Variants in DRC11 observed in about 807,000 individuals in gnomAD.
DRC11 encodes dynein regulatory complex subunit 11.
chr2:236,451,095 A>G, the DRC11 span, among the ~76,000 whole-genome samples: 1 of 152,178 alleles, frequency 6.6e-6, no homozygotes, highest in Non-Finnish European at 1.5e-5. Context: ...TAAGGTTCTT[A>G]TACTTTTCTT....
the DRC11 span, among the ~76,000 whole-genome samples, chr2:236,358,843 TG>T: frequency 6.8e-6 from 1 of 148,008 alleles, no homozygotes; most frequent in Non-Finnish European, 1.5e-5. Context: ...GACCGTCACG[TG>T]GCCCCCCAGC....
the DRC11 span, among the ~76,000 whole-genome samples, chr2:236,439,031 A>G: frequency 6.6e-6 from 1 of 150,584 alleles, no homozygotes; most frequent in Admixed American, 6.6e-5. Flanking sequence ...GAGAACAAAG[A>G]CACAACATAC....
the DRC11 span, among the ~76,000 whole-genome samples, chr2:236,365,131 T>C: frequency 1.3e-5 from 2 of 151,810 alleles, no homozygotes; most frequent in Non-Finnish European, 2.9e-5. This position sits in a 1 kb window ranked among gnomAD's most constrained non-coding sequence, Gnocchi z 7.4. Flanking sequence ...TGGGAGCTAG[T>C]GTGGGGGTCC....
At chr2:236,500,765 C>A in the DRC11 span, among the ~76,000 whole-genome samples, 2 of 152,108 alleles carry the variant, frequency 1.3e-5, no homozygotes, top group African/African-American at 4.8e-5. This position sits in a 1 kb window ranked among gnomAD's most constrained non-coding sequence, Gnocchi z 6.3. Flanking sequence ...TGCAGTGGTG[C>A]GATCTCAGCT....
the DRC11 span, among the ~76,000 whole-genome samples, chr2:236,474,753 G>A: frequency 6.6e-6 from 1 of 151,956 alleles, no homozygotes; most frequent in African/African-American, 2.4e-5. Flanking sequence ...CAAACAATCT[G>A]GAGATCTTAG....
the DRC11 span, among the ~76,000 whole-genome samples, chr2:236,491,169 A>ACAG: frequency 1.2e-5 from 1 of 80,232 alleles, no homozygotes; most frequent in Non-Finnish European, 2.4e-5. Context: ...GTATATATAT[A>ACAG]TATATATATA....
the DRC11 span, among the ~76,000 whole-genome samples, chr2:236,371,845 T>C: frequency 9.2e-5 from 14 of 152,294 alleles, no homozygotes; most frequent in African/African-American, 2.6e-4. The surrounding 1 kb of genome is among the most constrained non-coding windows in gnomAD (Gnocchi z 5.1). Context: ...GCATCTTATG[T>C]ATGTCACTCC....
the DRC11 span, chr2:236,363,794 G>A: frequency 1.9e-6 from 3 of 1,612,510 alleles, no homozygotes; most frequent in Non-Finnish European, 2.5e-6. The surrounding 1 kb of genome is among the most constrained non-coding windows in gnomAD (Gnocchi z 5.6). Context: ...AAGACTGCAT[G>A]CAGCATCATT....
chr2:236,441,813 TAAAATGGCCCTTA>T, the DRC11 span, among the ~76,000 whole-genome samples: 3 of 152,206 alleles, frequency 2.0e-5, no homozygotes, highest in Non-Finnish European at 4.4e-5. Context: ...CCACCATGTT[TAAAATGGCCCTTA>T]AAAAACTGGT....
the DRC11 span, among the ~76,000 whole-genome samples, chr2:236,424,464 G>T: frequency 6.6e-6 from 1 of 152,008 alleles, no homozygotes; most frequent in Non-Finnish European, 1.5e-5. Flanking sequence ...ACAGTGAAAG[G>T]TTTCCTCCCC....
the DRC11 span, chr2:236,331,579 A>G: frequency 1.9e-6 from 3 of 1,613,676 alleles, no homozygotes; most frequent in South Asian, 1.1e-5. The surrounding 1 kb of genome is among the most constrained non-coding windows in gnomAD (Gnocchi z 4.8). Context: ...ATTGCGTTCA[A>G]TGATTTGCTT....
At chr2:236,421,245 C>T in the DRC11 span, among the ~76,000 whole-genome samples, 26 of 152,044 alleles carry the variant, frequency 1.7e-4, no homozygotes, top group Admixed American at 1.2e-3. Flanking sequence ...CACAAAAAAC[C>T]CTTCAAAAAA....
chr2:236,358,057 ATT>A, the DRC11 span, among the ~76,000 whole-genome samples: 1 of 119,396 alleles, frequency 8.4e-6, no homozygotes, highest in Non-Finnish European at 1.6e-5. Flanking sequence ...ATAGATATAT[ATT>A]ATATGAATAT....
At chr2:236,411,319 A>G in the DRC11 span, among the ~76,000 whole-genome samples, 11 of 151,936 alleles carry the variant, frequency 7.2e-5, no homozygotes, top group East Asian at 2.0e-3. Context: ...TGGCCATCAG[A>G]GAAATGCAAA....
the DRC11 span, among the ~76,000 whole-genome samples, chr2:236,450,699 C>CG: frequency 1.3e-5 from 2 of 152,134 alleles, no homozygotes; most frequent in African/African-American, 2.4e-5. Context: ...ATTCTTACTA[C>CG]GTTTTTAACC....
At chr2:236,506,902 T>G in the DRC11 span, among the ~76,000 whole-genome samples, 6 of 152,230 alleles carry the variant, frequency 3.9e-5, no homozygotes, top group South Asian at 1.0e-3. This position sits in a 1 kb window ranked among gnomAD's most constrained non-coding sequence, Gnocchi z 4.9. Flanking sequence ...AGCACCGTAT[T>G]TGTTACCGTG....
At chr2:236,308,825 G>T in the DRC11 span, among the ~76,000 whole-genome samples, 1 of 152,174 alleles carries the variant, frequency 6.6e-6, no homozygotes, top group African/African-American at 2.4e-5. The surrounding 1 kb of genome is among the most constrained non-coding windows in gnomAD (Gnocchi z 6.0). Flanking sequence ...AGGAGGGCAG[G>T]TATTGGACCA....
the DRC11 span, among the ~76,000 whole-genome samples, chr2:236,455,430 C>G: frequency 6.6e-6 from 1 of 152,190 alleles, no homozygotes; most frequent in South Asian, 2.1e-4. This position sits in a 1 kb window ranked among gnomAD's most constrained non-coding sequence, Gnocchi z 5.7. Context: ...AGAGAAAGGA[C>G]CAGCTTTTAA....
chr2:236,320,093 T>G, the DRC11 span, among the ~76,000 whole-genome samples: 2 of 152,186 alleles, frequency 1.3e-5, no homozygotes, highest in Non-Finnish European at 1.5e-5. Flanking sequence ...GCTGCAACTG[T>G]GAATTTGAGT....
Sources: gnomAD v4.1 joint callset for allele counts (sites outside exome capture counted in the v4.1 genomes callset) on GRCh38, gnomAD v4.1.1 for gene constraint, Gnocchi (gnomAD v3.1) non-coding constraint, MANE v1.5 for transcripts, NCBI Gene and HGNC (gene_info 2026-07-23, HGNC 2026-07-21) for gene names.